Variants in CNTNAP2 observed in about 807,000 individuals in gnomAD.
CNTNAP2 encodes the protein contactin associated protein 2.
Under a neutral mutation model 155.2 loss-of-function variants are expected in CNTNAP2, and 98 were observed. That is an observed-to-expected ratio of 0.63 (90% CI 0.54 to 0.75). The LOEUF (loss-of-function observed/expected upper bound fraction) is 0.75. Ranked by LOEUF, CNTNAP2 falls within the 30% of genes least tolerant of loss-of-function variation. The pLI, the probability that CNTNAP2 is intolerant of heterozygous loss-of-function variation, is 0.00. For synonymous variants in CNTNAP2, 651 were observed against 631.2 expected (o/e 1.03, Z -0.47); for missense variants, 1,727 against 1,688.1 (o/e 1.02, Z -0.40).
intron 15 of CNTNAP2, among the ~76,000 whole-genome samples, chr7:148,099,435 G>GTGTGTGTGTGTGTGTGTGTGTT (rs1804049108): frequency 6.6e-6 from 1 of 150,970 alleles, no homozygotes; most frequent in Non-Finnish European, 1.5e-5. Flanking sequence ...GTGTGTGTGT[G>GTGTGTGTGTGTGTGTGTGTGTT]TGTGTGTGTG....
intron 4 of CNTNAP2, among the ~76,000 whole-genome samples, chr7:147,051,553 G>A (rs1049957401): frequency 5.3e-5 from 8 of 152,048 alleles, no homozygotes; most frequent in African/African-American, 7.2e-5. Flanking sequence ...TCACTAAGAA[G>A]CAACAGAAAT....
intron 19 of CNTNAP2, among the ~76,000 whole-genome samples, chr7:148,228,099 A>G (rs1328596948): frequency 6.6e-6 from 1 of 152,126 alleles, no homozygotes; most frequent in Non-Finnish European, 1.5e-5. Context: ...TTCCCCTAAA[A>G]AGGAAATGAA....
intron 15 of CNTNAP2, among the ~76,000 whole-genome samples, chr7:148,075,979 C>A (rs1803476336): frequency 6.6e-6 from 1 of 152,064 alleles, no homozygotes; most frequent in South Asian, 2.1e-4. Flanking sequence ...ATTTTTCCTC[C>A]CCGTACAGTC....
intron 1 of CNTNAP2, among the ~76,000 whole-genome samples, chr7:146,479,194 C>T (rs765993669): frequency 2.0e-5 from 3 of 152,164 alleles, no homozygotes; most frequent in Non-Finnish European, 4.4e-5. Context: ...CAGGATGTTA[C>T]TCATCATTGC....
In CNTNAP2 at chr7:148,419,304, G is replaced by A. The variant is rs1424620476; in HGVS notation, c.*3688G>A. The A allele has an allele frequency of 6.6e-6, 1 of 152,146 alleles. No individual in the cohort carries two copies. Among genetic ancestry groups the A allele is most frequent in the Non-Finnish European group, 1.5e-5 (1 of 68,040 alleles). The allele number at this position is 152,146 out of a possible 1,614,324, so 9.4% of individuals were successfully genotyped here. The stretch of plus-strand genomic sequence containing the variant: ...ATTCAAGTAAGCCAGCCAAAGATAG[G>A]TCCTAAATTGCTAGTCCCAGTAGAA... On this transcript the variant is annotated 3_prime_UTR_variant, in exon 24 of 24. Coordinates refer to ENST00000361727, the MANE Select transcript of CNTNAP2 (RefSeq NM_014141.6).
At chr7:147,194,290 C>T (rs1460978470) in intron 8 of CNTNAP2, among the ~76,000 whole-genome samples, 1 of 152,116 alleles carries the variant, frequency 6.6e-6, no homozygotes, top group African/African-American at 2.4e-5. Flanking sequence ...CCTAGTATTC[C>T]ATGGTGTATA....
At chr7:148,194,753 G>GA (rs974997423) in intron 18 of CNTNAP2, among the ~76,000 whole-genome samples, 3 of 151,700 alleles carry the variant, frequency 2.0e-5, no homozygotes, top group African/African-American at 4.8e-5. Flanking sequence ...CCCAGCTCAA[G>GA]AAAAAAAAGA....
At chr7:147,520,771 C>A (rs1290986891) in intron 11 of CNTNAP2, among the ~76,000 whole-genome samples, 1 of 152,196 alleles carries the variant, frequency 6.6e-6, no homozygotes, top group Admixed American at 6.5e-5. Flanking sequence ...ATTCACTAAA[C>A]TGTCCATTTC....
At chr7:148,041,071 G>A (rs1162098070) in intron 15 of CNTNAP2, among the ~76,000 whole-genome samples, 2 of 152,206 alleles carry the variant, frequency 1.3e-5, no homozygotes, top group Non-Finnish European at 2.9e-5. Context: ...AAAGCATAAT[G>A]TGACTCTGCA....
At chr7:146,920,444 T>A (rs376197492) in intron 3 of CNTNAP2, among the ~76,000 whole-genome samples, 5 of 151,932 alleles carry the variant, frequency 3.3e-5, no homozygotes, top group African/African-American at 9.7e-5. Flanking sequence ...CTGAAGGTGA[T>A]AAATAGGTTA....
intron 13 of CNTNAP2, among the ~76,000 whole-genome samples, chr7:147,717,935 G>GT (rs564749848): frequency 1.3e-3 from 186 of 147,068 alleles, no homozygotes; most frequent in East Asian, 4.8e-3. Flanking sequence ...AATTTCCTCT[G>GT]TTTTTTTTTT....
At chr7:147,669,910 G>A (rs1164090130) in intron 13 of CNTNAP2, among the ~76,000 whole-genome samples, 2 of 152,094 alleles carry the variant, frequency 1.3e-5, no homozygotes, top group East Asian at 3.9e-4. Context: ...CCCGTCATCT[G>A]TTTGTGAGGC....
intron 11 of CNTNAP2, among the ~76,000 whole-genome samples, chr7:147,540,184 A>G (rs1046979377): frequency 2.0e-5 from 3 of 152,182 alleles, no homozygotes; most frequent in African/African-American, 7.2e-5. Context: ...CTGCAGTCTC[A>G]TCAGCTCCTA....
At chr7:148,125,689 G>A (rs202003636) in intron 16 of CNTNAP2, among the ~76,000 whole-genome samples, 2,257 of 118,424 alleles carry the variant, frequency 0.019, 25 homozygotes, top group Non-Finnish European at 0.022. Flanking sequence ...GTGTGTGTGT[G>A]TATATATATA....
chr7:147,630,752 G>T (rs563454439), intron 12 of CNTNAP2, among the ~76,000 whole-genome samples: 1 of 152,050 alleles, frequency 6.6e-6, no homozygotes, highest in Non-Finnish European at 1.5e-5. Flanking sequence ...TGCAGAAAAA[G>T]CATTTGACAA....
intron 15 of CNTNAP2, among the ~76,000 whole-genome samples, chr7:148,073,132 G>C (rs1417492741): frequency 3.9e-5 from 6 of 152,034 alleles, no homozygotes; most frequent in Admixed American, 3.9e-4. Flanking sequence ...TGACCTTTGG[G>C]GACAAAATTG....
intron 10 of CNTNAP2, among the ~76,000 whole-genome samples, chr7:147,477,968 T>A (rs190689519): frequency 1.3e-5 from 2 of 152,286 alleles, no homozygotes; most frequent in East Asian, 1.9e-4. Flanking sequence ...ACATTTAACA[T>A]CTATCAGTTC....
chr7:146,208,757 G>T (rs1798989658), intron 1 of CNTNAP2: 1 of 152,098 alleles, frequency 6.6e-6, no homozygotes, highest in Non-Finnish European at 1.5e-5. Context: ...CAGCCATTAT[G>T]GTCGCAGCTT....
At position 147,280,035 on chromosome 7, in the gene CNTNAP2, T is replaced by G. The variant is rs557859146; in HGVS notation, c.1349-20106T>G. Among the ~76,000 whole-genome samples, 19 of 152,050 alleles carry G rather than the reference T, an allele frequency of 1.2e-4. No individual in the cohort carries two copies. In the South Asian group the frequency reaches 3.9e-3, roughly 32 times the overall value. ...CTTACAGTGACTTACAATGGACTCT[T>G]TCTGCCTTTTGTATAGTACAAATGA... On this transcript the variant is annotated intron_variant, in intron 8 of 23. Transcript: ENST00000361727.
Sources: gnomAD v4.1 joint callset for allele counts (sites outside exome capture counted in the v4.1 genomes callset) on GRCh38, gnomAD v4.1.1 for gene constraint, MANE v1.5 for transcripts, NCBI Gene and HGNC (gene_info 2026-07-23, HGNC 2026-07-21) for gene names.